The following TLE4 variants were observed in gnomAD, a reference collection of about 807,000 sequenced individuals.
TLE4 encodes TLE family member 4, transcriptional corepressor.
A neutral mutation model predicts 92.8 loss-of-function variants in TLE4; 8 were observed. That is an observed-to-expected ratio of 0.09 (90% CI 0.05 to 0.16). The LOEUF (loss-of-function observed/expected upper bound fraction) is 0.16. Among genes scored for constraint, TLE4 ranks in the 10% least tolerant of loss-of-function variants. TLE4 has a pLI of 1.00. For synonymous variants in TLE4, 371 were observed against 374.1 expected (o/e 0.99, Z 0.10); for missense variants, 675 against 997.6 (o/e 0.68, Z 4.36).
intron 4 of TLE4, among the ~76,000 whole-genome samples, chr9:79,607,711 C>A (rs190548841): frequency 2.1e-4 from 32 of 151,922 alleles, no homozygotes; most frequent in Non-Finnish European, 4.4e-4. Context: ...ATTTCTGAGG[C>A]CTCTGTGCTG....
At chr9:79,594,197 G>T (rs911660625) in intron 4 of TLE4, among the ~76,000 whole-genome samples, 9 of 152,190 alleles carry the variant, frequency 5.9e-5, no homozygotes, top group Non-Finnish European at 7.3e-5. Flanking sequence ...ACTGAAATCA[G>T]ATTCTGTTTC....
Position 79,652,831 on chromosome 9 carries a change from C to T in TLE4, c.592+37C>T, listed in dbSNP as rs772548731. On this transcript the variant is annotated intron_variant, in intron 7 of 19. Coordinates refer to ENST00000376552, the MANE Select transcript of TLE4 (RefSeq NM_007005.6). Reference sequence around the variant, plus strand: ...TCTTGGAATGCCAATCTGAGATGACCTACTTGCTGCTGAGGGTAGGTTCTG... The same window carrying T: ...TCTTGGAATGCCAATCTGAGATGACTTACTTGCTGCTGAGGGTAGGTTCTG... The T allele has an allele frequency of 6.3e-6, 10 of 1,595,294 alleles. No homozygotes were observed. In the African/African-American group the frequency reaches 8.0e-5, roughly 13 times the overall value.
intron 11 of TLE4, chr9:79,707,178 C>T: frequency 6.2e-7 from 1 of 1,612,842 alleles, no homozygotes; most frequent in Non-Finnish European, 8.5e-7. Context: ...GAACAATGCA[C>T]ATTGGGGTTA....
intron 6 of TLE4, among the ~76,000 whole-genome samples, chr9:79,633,578 G>T (rs963072283): frequency 6.6e-6 from 1 of 152,104 alleles, no homozygotes; most frequent in African/African-American, 2.4e-5. Flanking sequence ...GAGCTCGGCA[G>T]GCTGAGCTTA....
intron 8 of TLE4, among the ~76,000 whole-genome samples, chr9:79,658,778 T>A (rs1366361598): frequency 6.6e-6 from 1 of 152,180 alleles, no homozygotes; most frequent in Non-Finnish European, 1.5e-5. Context: ...AAGTACATAT[T>A]GTAAAAAGGC....
At chr9:79,642,092 C>T (rs1587709304) in intron 6 of TLE4, among the ~76,000 whole-genome samples, 1 of 152,016 alleles carries the variant, frequency 6.6e-6, no homozygotes. Context: ...GACACACACA[C>T]AGAAATTGTG....
At chr9:79,720,429 G>A (rs2075428409) in intron 16 of TLE4, 136 bp downstream of exon 16, 6 of 1,104,504 alleles carry the variant, frequency 5.4e-6, no homozygotes, top group Non-Finnish European at 7.2e-6. Flanking sequence ...TGTGTGTAAA[G>A]TGATATAATT....
intron 4 of TLE4, among the ~76,000 whole-genome samples, chr9:79,583,206 C>T (rs1007498537): frequency 2.0e-5 from 3 of 152,156 alleles, no homozygotes; most frequent in African/African-American, 7.2e-5. Flanking sequence ...ATTTCTATAT[C>T]ATTGACCCAA....
chr9:79,649,930 T>G (rs1046865325), intron 6 of TLE4: 8 of 1,305,672 alleles, frequency 6.1e-6, no homozygotes, highest in Middle Eastern at 2.2e-4. Flanking sequence ...TTTGTTTTTT[T>G]TTTGAGACAG....
intron 14 of TLE4, among the ~76,000 whole-genome samples, chr9:79,715,122 G>A (rs2074233418): frequency 6.6e-6 from 1 of 152,158 alleles, no homozygotes; most frequent in Admixed American, 6.5e-5. Flanking sequence ...TTGTTGAGGT[G>A]AAGGCTGTCC....
chr9:79,584,229 G>GA (rs2040478320), intron 4 of TLE4, among the ~76,000 whole-genome samples: 4 of 152,210 alleles, frequency 2.6e-5, no homozygotes, highest in African/African-American at 9.6e-5. Context: ...TGAGGAGCAT[G>GA]GTGATGCTAC....
chr9:79,596,445 A>C (rs2044037342), intron 4 of TLE4, among the ~76,000 whole-genome samples: 1 of 152,072 alleles, frequency 6.6e-6, no homozygotes, highest in African/African-American at 2.4e-5. Flanking sequence ...AAAAACAGCA[A>C]ATTTTCTGGG....
intron 4 of TLE4, among the ~76,000 whole-genome samples, chr9:79,605,089 T>G (rs765345209): frequency 2.4e-4 from 37 of 152,208 alleles, no homozygotes; most frequent in Middle Eastern, 3.4e-3. Context: ...CAAGGCTTGC[T>G]CTGACACACT....
chr9:79,686,104 A>C (rs1475302512), intron 8 of TLE4, among the ~76,000 whole-genome samples: 4 of 152,206 alleles, frequency 2.6e-5, no homozygotes, highest in African/African-American at 9.6e-5. Flanking sequence ...GAGATGATTT[A>C]AAATATACAG....
Position 79,654,081 on chromosome 9 carries a change from A to T in TLE4, c.609+6A>T. On this transcript the variant is annotated splice_donor_region_variant and intron_variant, in intron 8 of 19. Coordinates refer to ENST00000376552, the MANE Select transcript of TLE4 (RefSeq NM_007005.6). ...TAGACAGAGACTCCATCAAGGTAGGACTCAAAATTTACAGACTAAGGAATG... is the reference window on the plus strand; with the variant it reads ...TAGACAGAGACTCCATCAAGGTAGGTCTCAAAATTTACAGACTAAGGAATG... The T allele has an allele frequency of 1.2e-6, 2 of 1,613,474 alleles. No homozygotes were observed. The highest frequency in any genetic ancestry group is 1.3e-5 in the African/African-American group (1 of 75,006).
At chr9:79,622,674 T>A (rs919773923) in intron 5 of TLE4, among the ~76,000 whole-genome samples, 1 of 152,236 alleles carries the variant, frequency 6.6e-6, no homozygotes, top group African/African-American at 2.4e-5. Context: ...ACTATGGTTC[T>A]TGTTCCTTAC....
chr9:79,580,921 G>C (rs1002021607), intron 4 of TLE4, among the ~76,000 whole-genome samples: 1 of 152,132 alleles, frequency 6.6e-6, no homozygotes, highest in Non-Finnish European at 1.5e-5. Context: ...AAATCTTAAA[G>C]ATGACAAGTG....
intron 14 of TLE4, among the ~76,000 whole-genome samples, chr9:79,710,852 A>C (rs575402478): frequency 6.6e-6 from 1 of 152,208 alleles, no homozygotes; most frequent in South Asian, 2.1e-4. Flanking sequence ...ACTTTCTGCT[A>C]TTCAGTTATA....
intron 5 of TLE4, among the ~76,000 whole-genome samples, chr9:79,621,080 C>T (rs966625868): frequency 3.3e-5 from 5 of 152,192 alleles, no homozygotes; most frequent in Non-Finnish European, 7.4e-5. Context: ...AATATGCAAA[C>T]TGTATCAGAT....
Sources: gnomAD v4.1 joint callset for allele counts (sites outside exome capture counted in the v4.1 genomes callset) on GRCh38, gnomAD v4.1.1 for gene constraint, MANE v1.5 for transcripts, NCBI Gene and HGNC (gene_info 2026-07-23, HGNC 2026-07-21) for gene names.